Variants in ADCK2 observed in about 807,000 individuals in gnomAD.
ADCK2 encodes the protein uncharacterized aarF domain-containing protein kinase 2.
In ADCK2, 37 loss-of-function variants were observed where a neutral mutation model predicts 52.3. The ratio of observed to expected loss-of-function variants is 0.71; its 90% CI spans 0.54 to 0.93. The LOEUF (loss-of-function observed/expected upper bound fraction) is 0.93. Ranked by LOEUF, ADCK2 falls within the 40% of genes least tolerant of loss-of-function variation. The pLI is 0.00. For synonymous variants in ADCK2, 321 were observed against 349.2 expected (o/e 0.92, Z 0.90); for missense variants, 695 against 798.7 (o/e 0.87, Z 1.56).
rs1794746293 is a variant in ADCK2 at position 140,693,692 on chromosome 7, C to T, written c.1741-971C>T. Reference sequence around the variant, plus strand: ...GACAGCTGTACCCTGTTTGAGCAGTCAATTGTGTGTTGTCTCTGATTTTTT... The same window carrying T: ...GACAGCTGTACCCTGTTTGAGCAGTTAATTGTGTGTTGTCTCTGATTTTTT... On this transcript the variant is annotated intron_variant, in intron 7 of 7. Transcript: ENST00000072869. This position sits in a 1 kb window ranked among gnomAD's most constrained non-coding sequence, Gnocchi z 4.0. Among the ~76,000 whole-genome samples, 1 of 152,136 alleles carries T rather than the reference C, an allele frequency of 6.6e-6. No homozygotes were observed. The highest frequency in any genetic ancestry group is 2.4e-5 in the African/African-American group (1 of 41,434).
chr7:140,682,263 G>T (rs73491657), intron 4 of ADCK2, among the ~76,000 whole-genome samples: 12,426 of 152,234 alleles, frequency 0.082, 1,667 homozygotes, highest in African/African-American at 0.28. Context: ...CTAACCCAGG[G>T]ATTCACTCAG....
chr7:140,690,428 C>G (rs904806282), intron 6 of ADCK2, among the ~76,000 whole-genome samples: 2 of 151,956 alleles, frequency 1.3e-5, no homozygotes, highest in African/African-American at 4.8e-5. Context: ...GTCTCGAACT[C>G]CTGACCTCAA....
intron 2 of ADCK2, among the ~76,000 whole-genome samples, chr7:140,675,614 T>C (rs1291000239): frequency 6.6e-6 from 1 of 152,240 alleles, no homozygotes; most frequent in Non-Finnish European, 1.5e-5. Context: ...ATCACTTCTT[T>C]CCTGTTCACT....
chr7:140,686,874 T>C (rs890139961), intron 4 of ADCK2, 116 bp from the exon 5 acceptor site: 10 of 1,380,488 alleles, frequency 7.2e-6, no homozygotes, highest in Non-Finnish European at 1.0e-5. Flanking sequence ...GACATGCACC[T>C]CTTTGCGGCT....
rs1563204986 is a variant in ADCK2 at position 140,673,600 on chromosome 7, GGGC to G, written c.275_277del (p.Gly92del). The G allele has an allele frequency of 6.2e-7, 1 of 1,607,606 alleles. No homozygotes were observed. The highest frequency in any genetic ancestry group is 1.3e-5 in the African/African-American group (1 of 75,044). ...AGAGCCTCCCCCGAGCGGGACCTCTGGGCGGCGTCTTCCTGCATCTCCGCCTCT... is the reference window on the plus strand; with the variant it reads ...AGAGCCTCCCCCGAGCGGGACCTCTGGGCGTCTTCCTGCATCTCCGCCTCT... On this transcript the variant is annotated inframe_deletion, in exon 1 of 8. Transcript: ENST00000072869. The surrounding 1 kb of genome is among the most constrained non-coding windows in gnomAD (Gnocchi z 6.4).
intron 4 of ADCK2, 105 bp downstream of exon 4, chr7:140,681,242 C>T: frequency 9.6e-7 from 1 of 1,041,072 alleles, no homozygotes; most frequent in Non-Finnish European, 1.5e-6. Flanking sequence ...AGCGAAGCAG[C>T]AAGCCGCCAG....
intron 3 of ADCK2, among the ~76,000 whole-genome samples, chr7:140,680,138 G>T (rs1315909588): frequency 6.6e-6 from 1 of 151,106 alleles, no homozygotes; most frequent in African/African-American, 2.4e-5. Flanking sequence ...ATCTCCATGG[G>T]TTGTTTTGAC....
chr7:140,678,487 G>C lies in ADCK2; in HGVS notation c.1081-668G>C, dbSNP rs1794460328. 6.6e-6 allele frequency among the ~76,000 whole-genome samples: 1 copy of C among 152,146 alleles called. No homozygotes were observed. Among genetic ancestry groups the C allele is most frequent in the Admixed American group, 6.5e-5 (1 of 15,278 alleles). On this transcript the variant is annotated intron_variant, in intron 2 of 7. Transcript: ENST00000072869. This position sits in a 1 kb window ranked among gnomAD's most constrained non-coding sequence, Gnocchi z 4.9. ...GGACACACACGCTCACTTCGGTCAG[G>C]AGAAAGGACATCAGCTCCTGGGGGC...
At chr7:140,676,142 G>C (rs1329688756) in intron 2 of ADCK2, among the ~76,000 whole-genome samples, 1 of 152,188 alleles carries the variant, frequency 6.6e-6, no homozygotes, top group African/African-American at 2.4e-5. Flanking sequence ...CCAGATCAAG[G>C]CATCGGCAGA....
chr7:140,684,018 T>A lies in ADCK2; in HGVS notation c.1305+2881T>A, dbSNP rs1794563014. On this transcript the variant is annotated intron_variant, in intron 4 of 7. Transcript: ENST00000072869. The stretch of plus-strand genomic sequence containing the variant: ...AGGAGGTTTAAAGAGAACACAGAGG[T>A]TTGAAATTGCTGCCCTGGGACTAGA... Among the ~76,000 whole-genome samples the A allele has an allele frequency of 4.6e-5, 7 of 151,902 alleles. No individual in the cohort carries two copies. In the South Asian group the frequency reaches 1.5e-3, roughly 32 times the overall value.
At chr7:140,680,466 T>C in intron 3 of ADCK2, among the ~76,000 whole-genome samples, 1 of 151,988 alleles carries the variant, frequency 6.6e-6, no homozygotes, top group East Asian at 1.9e-4. Flanking sequence ...TTTTTTTTTT[T>C]TTTGTAGAGA....
chr7:140,694,551 T>C, intron 7 of ADCK2, 112 bp from the exon 8 acceptor site: 1 of 1,000,890 alleles, frequency 1.0e-6, no homozygotes, highest in East Asian at 2.5e-5. Flanking sequence ...ATGGTAAACA[T>C]CCCGTGGGCA....
Position 140,673,704 on chromosome 7 carries a change from G to A in ADCK2, c.374G>A (p.Ser125Asn). Reference protein sequence around the residue: ...LLYPLTYLAPSVSTLWLHLLL... With the variant: ...LLYPLTYLAPNVSTLWLHLLL... ...TACCCCCTCACCTACCTGGCTCCCA[G>A]CGTCTCCACCCTCTGGCTCCACCTG... The change falls in exon 1 of 8, where the codon AGC (serine) becomes AAC (asparagine). Residue 125 changes from serine (S) to asparagine (N), a missense_variant. Physicochemically the swap from Ser to Asn is conservative, Grantham distance 46 (BLOSUM62 1). Coordinates refer to ENST00000072869, the MANE Select transcript of ADCK2 (RefSeq NM_052853.4). This position sits in a 1 kb window ranked among gnomAD's most constrained non-coding sequence, Gnocchi z 6.4. The A allele has an allele frequency of 1.2e-6, 2 of 1,611,612 alleles. No homozygotes were observed. Among genetic ancestry groups the A allele is most frequent in the Admixed American group, 3.3e-5 (2 of 59,944 alleles).
At chr7:140,682,242 A>G (rs1794528832) in intron 4 of ADCK2, among the ~76,000 whole-genome samples, 2 of 152,178 alleles carry the variant, frequency 1.3e-5, no homozygotes. Flanking sequence ...GTCATTTCGG[A>G]GGAGACTGTG....
chr7:140,685,404 C>G (rs1007030756), intron 4 of ADCK2, among the ~76,000 whole-genome samples: 1 of 151,354 alleles, frequency 6.6e-6, no homozygotes, highest in Non-Finnish European at 1.5e-5. Context: ...GAGCCCAGAT[C>G]GCACCATTGT....
Position 140,674,001 on chromosome 7 carries a change from T to C in ADCK2, c.671T>C (p.Leu224Pro), listed in dbSNP as rs1801685847. 1 of 1,614,126 alleles carries C rather than the reference T, an allele frequency of 6.2e-7. No individual in the cohort carries two copies. Residue 224 changes from leucine (L) to proline (P), a missense_variant, in exon 1 of 8, where the codon CTG (leucine) becomes CCG (proline). Coordinates refer to ENST00000072869, the MANE Select transcript of ADCK2 (RefSeq NM_052853.4). This position sits in a 1 kb window ranked among gnomAD's most constrained non-coding sequence, Gnocchi z 4.6. Reference sequence around the variant, plus strand: ...AAAGCATACGCCAACACTGCCTTCCTGGAGACTGACAGCGTCCAGAGACTT... The same window carrying C: ...AAAGCATACGCCAACACTGCCTTCCCGGAGACTGACAGCGTCCAGAGACTT... Reference protein sequence around the residue: ...VYKAYANTAFLETDSVQRLGR... With the variant: ...VYKAYANTAFPETDSVQRLGR...
intron 3 of ADCK2, 82 bp from the exon 4 acceptor site, chr7:140,680,960 G>A: frequency 4.9e-6 from 6 of 1,226,622 alleles, no homozygotes; most frequent in Middle Eastern, 1.9e-4. Flanking sequence ...TGAGAAGACA[G>A]CGCTGTGGTG....
intron 2 of ADCK2, 39 bp from the exon 3 acceptor site, chr7:140,679,116 C>G: frequency 6.2e-7 from 1 of 1,609,556 alleles, no homozygotes. Context: ...GTGCCTGTAC[C>G]CAGACTAGCC....
Position 140,687,758 on chromosome 7 carries a change from G to T in ADCK2, c.1557+517G>T, listed in dbSNP as rs1014508344. Among the ~76,000 whole-genome samples the T allele has an allele frequency of 2.6e-5, 4 of 151,510 alleles. No individual in the cohort carries two copies. The East Asian group carries it at 7.7e-4, about 29-fold the overall frequency. ...CCAGGCTTGGTGGTGTGCGCCTGTG[G>T]TCCCAGCTACTTGGGAGGCTGAGGT... is the stretch of plus-strand genomic sequence containing the variant. On this transcript the variant is annotated intron_variant, in intron 5 of 7. Coordinates refer to ENST00000072869, the MANE Select transcript of ADCK2 (RefSeq NM_052853.4).
Sources: gnomAD v4.1 joint callset for allele counts (sites outside exome capture counted in the v4.1 genomes callset) on GRCh38, gnomAD v4.1.1 for gene constraint, Gnocchi (gnomAD v3.1) non-coding constraint, MANE v1.5 for transcripts, NCBI Gene and HGNC (gene_info 2026-07-23, HGNC 2026-07-21) for gene names.